Variants in CELF4 observed in about 807,000 individuals in gnomAD.
CELF4 encodes the protein CUGBP Elav-like family member 4, also known as CUG-BP- and ETR-3-like factor 4.
A neutral mutation model predicts 59.9 loss-of-function variants in CELF4; 18 were observed. That is an observed-to-expected ratio of 0.30 (90% CI 0.21 to 0.45). The LOEUF (loss-of-function observed/expected upper bound fraction) is 0.45, where lower values mean the gene tolerates loss of function less well. Ranked by LOEUF, CELF4 falls within the 20% of genes least tolerant of loss-of-function variation. The pLI, the probability that CELF4 is intolerant of heterozygous loss-of-function variation, is 1.00. For missense variants in CELF4, 456 were observed against 689.0 expected, an observed-to-expected ratio of 0.66 and a Z score of 3.79; for synonymous variants, 261 against 267.1, an observed-to-expected ratio of 0.98 and a Z score of 0.22.
intron 1 of CELF4, among the ~76,000 whole-genome samples, chr18:37,538,885 C>T (rs908530287): frequency 4.6e-5 from 7 of 152,194 alleles, no homozygotes; most frequent in Non-Finnish European, 7.3e-5. Context: ...CCGTTCCTCC[C>T]GTCACCTCCC....
chr18:37,562,054 A>G (rs183158817), intron 1 of CELF4, among the ~76,000 whole-genome samples: 6 of 152,038 alleles, frequency 3.9e-5, no homozygotes, highest in African/African-American at 1.2e-4. Flanking sequence ...CCTCTCCCCA[A>G]TTGCTTTCTG....
intron 2 of CELF4, among the ~76,000 whole-genome samples, chr18:37,361,993 G>A (rs996418613): frequency 1.3e-5 from 2 of 152,148 alleles, no homozygotes; most frequent in Admixed American, 1.3e-4. Context: ...AGTGGGAAGC[G>A]GACGGTCAGA....
At chr18:37,371,642 A>G (rs797006831) in intron 2 of CELF4, among the ~76,000 whole-genome samples, 25 of 152,232 alleles carry the variant, frequency 1.6e-4, no homozygotes, top group African/African-American at 6.0e-4. Flanking sequence ...AGAAAGGGAG[A>G]GAAGAGGCAT....
At chr18:37,459,981 A>G (rs1335060564) in intron 2 of CELF4, among the ~76,000 whole-genome samples, 3 of 152,216 alleles carry the variant, frequency 2.0e-5, no homozygotes, top group Non-Finnish European at 4.4e-5. Flanking sequence ...ACCAAAAGGA[A>G]AATCAAATAG....
chr18:37,357,407 G>T (rs2098610098), intron 2 of CELF4, among the ~76,000 whole-genome samples: 2 of 152,206 alleles, frequency 1.3e-5, no homozygotes, highest in South Asian at 4.1e-4. Context: ...CAGAAGTCAA[G>T]AATTGAGGTT....
chr18:37,322,791 G>A (rs2097169723), intron 2 of CELF4, among the ~76,000 whole-genome samples: 2 of 152,162 alleles, frequency 1.3e-5, no homozygotes, highest in Non-Finnish European at 1.5e-5. Context: ...CTGCCCTTAC[G>A]CACCTCCCTG....
intron 2 of CELF4, among the ~76,000 whole-genome samples, chr18:37,385,930 C>G (rs1466447864): frequency 2.0e-5 from 3 of 152,256 alleles, no homozygotes; most frequent in African/African-American, 7.2e-5. Flanking sequence ...AGATACTACA[C>G]TCATAGTGCT....
chr18:37,438,816 T>G (rs560612156), intron 2 of CELF4, among the ~76,000 whole-genome samples: 1 of 152,330 alleles, frequency 6.6e-6, no homozygotes, highest in South Asian at 2.1e-4. Flanking sequence ...ACATACTTTT[T>G]ACCCATCTGT....
intron 2 of CELF4, among the ~76,000 whole-genome samples, chr18:37,420,529 G>C (rs1472708882): frequency 6.6e-6 from 1 of 152,202 alleles, no homozygotes; most frequent in African/African-American, 2.4e-5. Context: ...GGTGGGACCC[G>C]TGCTGGGAGC....
chr18:37,433,925 G>T (rs558880701), intron 2 of CELF4, among the ~76,000 whole-genome samples: 1 of 152,194 alleles, frequency 6.6e-6, no homozygotes, highest in Non-Finnish European at 1.5e-5. Context: ...GGCAGAGTTT[G>T]GAAGTGTTTA....
At chr18:37,356,505 G>T (rs2098580464) in intron 2 of CELF4, among the ~76,000 whole-genome samples, 1 of 152,114 alleles carries the variant, frequency 6.6e-6, no homozygotes, top group South Asian at 2.1e-4. Flanking sequence ...GAAGGCCATT[G>T]GTGCTGGGAA....
intron 2 of CELF4, among the ~76,000 whole-genome samples, chr18:37,372,497 C>T (rs563812917): frequency 3.9e-5 from 6 of 152,000 alleles, no homozygotes; most frequent in Admixed American, 6.5e-5. Flanking sequence ...GGGGTGGAGG[C>T]GGGAAGGATA....
At chr18:37,357,082 TGGG>T (rs759686726) in intron 2 of CELF4, among the ~76,000 whole-genome samples, 1 of 152,106 alleles carries the variant, frequency 6.6e-6, no homozygotes, top group African/African-American at 2.4e-5. Context: ...GAAATGCCCA[TGGG>T]GACTACATAG....
chr18:37,275,405 G>A (rs1419583343), intron 3 of CELF4, among the ~76,000 whole-genome samples, 162 bp from the exon 4 acceptor site: 1 of 149,922 alleles, frequency 6.7e-6, no homozygotes, highest in African/African-American at 2.5e-5. Context: ...GGACGGGGGC[G>A]GGGCTTAGTC....
chr18:37,521,074 C>T (rs939355528), intron 1 of CELF4, among the ~76,000 whole-genome samples: 6 of 36,856 alleles, frequency 1.6e-4, no homozygotes, highest in South Asian at 1.0e-3. Context: ...GGGAGGGTAT[C>T]GGGGGTTGGG....
At chr18:37,461,994 GGACCAA>G (rs1010929321) in intron 2 of CELF4, among the ~76,000 whole-genome samples, 5 of 152,202 alleles carry the variant, frequency 3.3e-5, no homozygotes, top group African/African-American at 1.2e-4. Flanking sequence ...GCTCCTGGGA[GGACCAA>G]GTTTATCTTA....
chr18:37,367,760 C>T (rs2098804469), intron 2 of CELF4, among the ~76,000 whole-genome samples: 1 of 151,226 alleles, frequency 6.6e-6, no homozygotes, highest in Non-Finnish European at 1.5e-5. Context: ...AACCATAATA[C>T]CTTAAAGTCA....
chr18:37,538,524 C>T (rs1047771763), intron 1 of CELF4, among the ~76,000 whole-genome samples: 12 of 152,214 alleles, frequency 7.9e-5, no homozygotes, highest in Non-Finnish European at 1.5e-4. Flanking sequence ...CAAGCACCCA[C>T]AACGCTGTCT....
At chr18:37,302,481 G>A (rs2096122439) in intron 3 of CELF4, among the ~76,000 whole-genome samples, 1 of 152,016 alleles carries the variant, frequency 6.6e-6, no homozygotes, top group African/African-American at 2.4e-5. Flanking sequence ...CTTCTGATGA[G>A]GGCACAAGCT....
Sources: allele counts gnomAD v4.1 joint callset (sites outside exome capture counted in the v4.1 genomes callset), GRCh38; gene constraint gnomAD v4.1.1; transcripts MANE v1.5; gene names NCBI Gene and HGNC (gene_info 2026-07-23, HGNC 2026-07-21).